The following SBF1 variants were observed in gnomAD, a reference collection of about 807,000 sequenced individuals.
The protein encoded by SBF1 is SET binding factor 1.
Under a neutral mutation model 215.8 loss-of-function variants are expected in SBF1, and 65 were observed. That is an observed-to-expected ratio of 0.30 (90% confidence interval 0.25 to 0.37). The LOEUF is 0.37. SBF1 is among the 10% of genes least tolerant of loss of function. The pLI is 1.00. For missense variants in SBF1, 2,634 were observed against 2,667.8 expected (o/e 0.99, Z 0.28); for synonymous variants, 1,410 against 1,122.8 (o/e 1.26, Z -5.11).
chr22:50,474,657 C>T (rs1251182783), intron 1 of SBF1, 129 bp downstream of exon 1: 1 of 684,502 alleles, frequency 1.5e-6, no homozygotes, highest in Non-Finnish European at 2.2e-6. Context: ...GGCCCTCAGT[C>T]CTCGGCCTCC....
At chr22:50,470,787 C>T (rs561822649) in intron 1 of SBF1, among the ~76,000 whole-genome samples, 1 of 152,312 alleles carries the variant, frequency 6.6e-6, no homozygotes, top group South Asian at 2.1e-4. Flanking sequence ...GTTCCTCAGT[C>T]GGAAGTACAG....
Position 50,455,058 on chromosome 22 carries a change from G to A in SBF1, c.4639C>T (p.Arg1547Trp), listed in dbSNP as rs370182117. 459 of 1,613,988 alleles carry A rather than the reference G, an allele frequency of 2.8e-4. No homozygotes were observed. Among genetic ancestry groups the A allele is most frequent in the Non-Finnish European group, 3.6e-4 (419 of 1,180,020 alleles). ...LGYHHVSRRF[R>W]TFLLDSDYER... is the part of the protein sequence containing the mutation. Reference sequence around the variant, plus strand: ...TAGTCAGAGTCGAGCAGGAAGGTCCGGAAACGGCGGGACACATGGTGGTAG... The same window carrying A: ...TAGTCAGAGTCGAGCAGGAAGGTCCAGAAACGGCGGGACACATGGTGGTAG... Residue 1547 changes from arginine (R) to tryptophan (W), a missense_variant, in exon 34 of 41, where the codon CGG (arginine) becomes TGG (tryptophan). By Grantham distance (101) the Arg-to-Trp change is moderately radical (BLOSUM62 -3). Coordinates refer to ENST00000380817, the MANE Select transcript of SBF1 (RefSeq NM_002972.4).
rs554430029 is a variant in SBF1, at chr22:50,456,985, G to A, written c.3904+49C>T. 26 of 1,352,200 alleles carry A rather than the reference G, an allele frequency of 1.9e-5. No individual in the cohort carries two copies. The Admixed American group carries it at 2.2e-4, about 11-fold the overall frequency. 83.8% of individuals were successfully genotyped at this position (1,352,200 alleles called of 1,614,324 possible). A position where few individuals can be genotyped will look rare whatever the true frequency, so the allele number is the denominator to read the frequency against. Reference sequence around the variant, plus strand: ...AATAACTCAGTGCACACTAGAGGCCGCCAGCACCAAGTAAGGGGAGGCGGG... The same window carrying A: ...AATAACTCAGTGCACACTAGAGGCCACCAGCACCAAGTAAGGGGAGGCGGG... On this transcript the variant is annotated intron_variant, in intron 29 of 40. Transcript: ENST00000380817.
intron 1 of SBF1, among the ~76,000 whole-genome samples, chr22:50,473,215 G>A (rs1477147129): frequency 6.6e-6 from 1 of 152,024 alleles, no homozygotes; most frequent in Non-Finnish European, 1.5e-5. Context: ...CTGCCCTCAG[G>A]ATCATCAGGG....
Position 50,462,549 on chromosome 22 carries a change from C to T in SBF1, c.2127+10G>A. 3 of 1,610,038 alleles carry T rather than the reference C, an allele frequency of 1.9e-6. No individual in the cohort carries two copies. The highest frequency in any genetic ancestry group is 2.5e-6 in the Non-Finnish European group (3 of 1,178,692). ...GCCCCCAGCCCCCAGCCCAGGGAGTCCCTGCGCACCTGGGCGGGGGCCAGG... is the reference window on the plus strand; with the variant it reads ...GCCCCCAGCCCCCAGCCCAGGGAGTTCCTGCGCACCTGGGCGGGGGCCAGG... On this transcript the variant is annotated intron_variant, in intron 18 of 40. Transcript: ENST00000380817.
Position 50,447,068 on chromosome 22 carries a change from G to A in SBF1, c.*74C>T. On this transcript the variant is annotated 3_prime_UTR_variant, in exon 41 of 41. Transcript: ENST00000380817. ...TGTCGAGGGCCGGGGCTGTAAACAT[G>A]GCCGGGGCGGCCCTGCCCACCCCTA... 7.4e-7 allele frequency: 1 copy of A among 1,344,164 alleles called. No homozygotes were observed. Among genetic ancestry groups the A allele is most frequent in the Non-Finnish European group, 1.0e-6 (1 of 964,522 alleles). The allele number at this position is 1,344,164 out of a possible 1,614,324, so 83.3% of individuals were successfully genotyped here.
intron 36 of SBF1, among the ~76,000 whole-genome samples, chr22:50,450,838 T>C (rs1205509029): frequency 1.3e-5 from 2 of 152,114 alleles, no homozygotes; most frequent in South Asian, 4.1e-4. Flanking sequence ...CAGGGCACAG[T>C]GGCTCCCGCC....
At chr22:50,458,268 G>A (rs1282822576) in intron 28 of SBF1, among the ~76,000 whole-genome samples, 5 of 142,034 alleles carry the variant, frequency 3.5e-5, no homozygotes, top group African/African-American at 1.0e-4. Context: ...TCGCACCACC[G>A]CACTCCAGCG....
Position 50,463,400 on chromosome 22 carries a change from C to T in SBF1, c.1782G>A (p.Gly594=). Reference sequence around the variant, plus strand: ...GGGCGAGGCAGCGGCGGGCAGCTCGCCCCTTCAGGGCCCTCAACACGGCTG... The same window carrying T: ...GGGCGAGGCAGCGGCGGGCAGCTCGTCCCTTCAGGGCCCTCAACACGGCTG... ...LLPAVLRALK[G]RAARRCLAQE... is the part of the protein sequence containing the mutation. Residue 594 remains glycine, a synonymous_variant, in exon 16 of 41, where the codon GGG becomes GGA. Transcript: ENST00000380817. 1 of 1,588,086 alleles carries T rather than the reference C, an allele frequency of 6.3e-7. No homozygotes were observed. The highest frequency in any genetic ancestry group is 8.6e-7 in the Non-Finnish European group (1 of 1,166,404).
intron 23 of SBF1, 43 bp downstream of exon 23, chr22:50,461,116 C>CCAGGG (rs2067490341): frequency 1.9e-6 from 3 of 1,551,366 alleles, no homozygotes; most frequent in Non-Finnish European, 2.6e-6. Flanking sequence ...AGGAGAAAGA[C>CCAGGG]CAGGGCGGGG....
At chr22:50,468,921 G>A (rs925779958) in intron 1 of SBF1, among the ~76,000 whole-genome samples, 2 of 152,076 alleles carry the variant, frequency 1.3e-5, no homozygotes, top group Non-Finnish European at 2.9e-5. Flanking sequence ...TGCTGTCTGT[G>A]TGGGGTTCAA....
chr22:50,471,436 C>T (rs557626429), intron 1 of SBF1, among the ~76,000 whole-genome samples: 1 of 152,358 alleles, frequency 6.6e-6, no homozygotes, highest in South Asian at 2.1e-4. Flanking sequence ...CCCAGGCCAG[C>T]GTGTGCTGTG....
At chr22:50,464,946 G>C in intron 12 of SBF1, 29 bp from the exon 13 acceptor site, 1 of 1,613,822 alleles carries the variant, frequency 6.2e-7, no homozygotes, top group Non-Finnish European at 8.5e-7. Context: ...GGTTAGGTAA[G>C]CCATGGTCAG....
chr22:50,465,120 G>C lies in SBF1; in HGVS notation c.1213C>G (p.Leu405Val), dbSNP rs751666427. The C allele has an allele frequency of 3.7e-6, 6 of 1,613,954 alleles. No individual in the cohort carries two copies. The African/African-American group carries it at 5.3e-5, about 14-fold the overall frequency. Residue 405 changes from leucine (L) to valine (V), a missense_variant, in exon 12 of 41, where the codon CTG becomes GTG. Physicochemically the swap from Leu to Val is conservative, Grantham distance 32. Coordinates refer to ENST00000380817, the MANE Select transcript of SBF1 (RefSeq NM_002972.4). ...TCCTCTACCAGCCCACGCTGGCCCA[G>C]GAAGGCTGCCTGGATGACAGAAGGA... Reference protein sequence around the residue: ...PVIRFHKAAFLGQRGLVEDDF... With the variant: ...PVIRFHKAAFVGQRGLVEDDF...
intron 1 of SBF1, among the ~76,000 whole-genome samples, chr22:50,468,731 C>T (rs552643731): frequency 3.7e-4 from 56 of 152,256 alleles, no homozygotes; most frequent in African/African-American, 1.3e-3. Flanking sequence ...CAGCTTCACA[C>T]AGCACAGCAG....
In SBF1 at chr22:50,448,409, G is replaced by T. The variant is rs1489666579; in HGVS notation, c.5187C>A (p.Pro1729=). ...TPSSLLVSTA[P]HHRRSLGVYL... ...ACACACCCAGCGAGCGACGGTGGTG[G>T]GGTGCGGTGGACACAAGGAGGGAGC... is the stretch of plus-strand genomic sequence containing the variant. Residue 1729 remains proline (P), a synonymous_variant, in exon 38 of 41, where the codon CCC becomes CCA. Transcript: ENST00000380817. The T allele has an allele frequency of 1.2e-6, 2 of 1,613,752 alleles. No individual in the cohort carries two copies. The highest frequency in any genetic ancestry group is 1.6e-4 in the Middle Eastern group (1 of 6,084).
rs575037791 is a variant in SBF1 at position 50,454,842 on chromosome 22, T to C, written c.4784A>G (p.Asn1595Ser). ...RLSKRTPVFH[N>S]YMYAPEDAEV... is the part of the protein sequence containing the mutation. ...TGCGTCCTCGGGCGCATACATGTAA[T>C]TGTGGAACACAGGCGTCCTCTTGCT... Residue 1595 changes from asparagine (N) to serine (S), a missense_variant, in exon 35 of 41, where the codon AAT becomes AGT. Coordinates refer to ENST00000380817, the MANE Select transcript of SBF1 (RefSeq NM_002972.4). The C allele has an allele frequency of 8.0e-5, 129 of 1,614,038 alleles. 2 individuals are homozygous for C. The South Asian group carries it at 1.4e-3, about 17-fold the overall frequency.
rs899218856 is a variant in SBF1, at chr22:50,455,522, C to T, written c.4327G>A (p.Val1443Met). 5.0e-6 allele frequency: 8 copies of T among 1,603,304 alleles called. No homozygotes were observed. Among genetic ancestry groups the T allele is most frequent in the East Asian group, 2.3e-5 (1 of 44,138 alleles). Residue 1443 changes from valine (V) to methionine (M), a missense_variant, in exon 32 of 41, where the codon GTG (valine) becomes ATG (methionine). Transcript: ENST00000380817. Reference sequence around the variant, plus strand: ...CAGCCATCCTCCAGGCCCACCAGCACGGAGGAGCCTGAATCCAGGAGCTCC... The same window carrying T: ...CAGCCATCCTCCAGGCCCACCAGCATGGAGGAGCCTGAATCCAGGAGCTCC... ...VVELLDSGSS[V>M]LVGLEDGWDI...
rs749086314 is a variant in SBF1 at position 50,462,191 on chromosome 22, A to C, written c.2396+14T>G. On this transcript the variant is annotated intron_variant, in intron 19 of 40. Transcript: ENST00000380817. ...CCCGCCTCCACTGGGCCCAACCCCCAGTCCCTGCCTCACCTGTTGGTGACC... is the reference window on the plus strand; with the variant it reads ...CCCGCCTCCACTGGGCCCAACCCCCCGTCCCTGCCTCACCTGTTGGTGACC... 1 of 1,604,032 alleles carries C rather than the reference A, an allele frequency of 6.2e-7. No individual in the cohort carries two copies. The highest frequency in any genetic ancestry group is 1.3e-5 in the African/African-American group (1 of 75,046).
Sources: allele counts gnomAD v4.1 joint callset (sites outside exome capture counted in the v4.1 genomes callset), GRCh38; gene constraint gnomAD v4.1.1; transcripts MANE v1.5; gene names NCBI Gene and HGNC (gene_info 2026-07-23, HGNC 2026-07-21).